METTL24: variants seen among roughly 807,000 people sequenced by gnomAD.
METTL24 encodes probable methyltransferase-like protein 24.
In METTL24, 29 loss-of-function variants were observed where a neutral mutation model predicts 32.7. The ratio of observed to expected loss-of-function variants is 0.89; its 90% CI spans 0.66 to 1.21. METTL24 has a LOEUF of 1.21. Ranked by LOEUF, METTL24 falls within the 50% of genes most tolerant of loss-of-function variation. METTL24 has a pLI of 0.00. For missense variants in METTL24, 439 were observed against 468.1 expected, an observed-to-expected ratio of 0.94 and a Z score of 0.57; for synonymous variants, 163 against 179.5, an observed-to-expected ratio of 0.91 and a Z score of 0.73.
chr6:110,346,244 A>C (rs1032878072), intron 1 of METTL24, among the ~76,000 whole-genome samples: 4 of 152,250 alleles, frequency 2.6e-5, no homozygotes, highest in Non-Finnish European at 5.9e-5. Context: ...CCATTCTTTC[A>C]GCCAGTATTT....
At chr6:110,319,262 G>A (rs1270097694) in intron 2 of METTL24, among the ~76,000 whole-genome samples, 3 of 130,574 alleles carry the variant, frequency 2.3e-5, no homozygotes, top group Non-Finnish European at 4.5e-5. Flanking sequence ...TTTTATCCCT[G>A]TGTGTGTATG....
intron 4 of METTL24, among the ~76,000 whole-genome samples, chr6:110,292,654 A>G (rs1453637686): frequency 6.6e-6 from 1 of 151,854 alleles, no homozygotes; most frequent in Non-Finnish European, 1.5e-5. Flanking sequence ...CCATGTGGAA[A>G]TTTTGTATGT....
chr6:110,333,710 G>A (rs1772153600), intron 1 of METTL24, among the ~76,000 whole-genome samples: 1 of 152,140 alleles, frequency 6.6e-6, no homozygotes, highest in South Asian at 2.1e-4. Flanking sequence ...CCAAAGTTCT[G>A]GGATTACAGG....
intron 4 of METTL24, among the ~76,000 whole-genome samples, chr6:110,293,651 C>T (rs955978908): frequency 6.6e-6 from 1 of 151,794 alleles, no homozygotes; most frequent in African/African-American, 2.4e-5. Context: ...ATGGTGATTA[C>T]ACACTGTATG....
rs1401255323 is a variant in METTL24 at position 110,246,263 on chromosome 6, G to A, written c.787-3C>T. 6.3e-7 allele frequency: 1 copy of A among 1,593,224 alleles called. No individual in the cohort carries two copies. Among genetic ancestry groups the A allele is most frequent in the South Asian group, 1.1e-5 (1 of 88,800 alleles). On this transcript the variant is annotated splice_polypyrimidine_tract_variant and splice_region_variant and intron_variant, in intron 4 of 4. Transcript: ENST00000338882. ...AGATCTGCCTTGAGAACGTCAATCT[G>A]TAACAAAGCAATGAAATGAGATTAG...
intron 1 of METTL24, among the ~76,000 whole-genome samples, chr6:110,347,211 T>C (rs766867949): frequency 5.9e-5 from 9 of 152,216 alleles, no homozygotes; most frequent in Non-Finnish European, 1.3e-4. Flanking sequence ...GAAAAAAGCC[T>C]GGATTTTAAG....
At chr6:110,322,236 G>A (rs532171297) in intron 2 of METTL24, among the ~76,000 whole-genome samples, 5 of 152,302 alleles carry the variant, frequency 3.3e-5, no homozygotes, top group East Asian at 1.9e-4. Context: ...ATAAAGGCCC[G>A]TGCTCAGTAA....
intron 4 of METTL24, among the ~76,000 whole-genome samples, chr6:110,291,747 A>G (rs1470278213): frequency 1.3e-5 from 2 of 152,056 alleles, no homozygotes; most frequent in Non-Finnish European, 2.9e-5. Context: ...CTATGGGTCC[A>G]TATGTTCTCA....
chr6:110,321,108 G>T (rs1373730232), intron 2 of METTL24, among the ~76,000 whole-genome samples: 2 of 152,154 alleles, frequency 1.3e-5, no homozygotes, highest in South Asian at 2.1e-4. Context: ...ATGGTGACAG[G>T]CTCCTGTAAT....
At chr6:110,317,600 T>A (rs1771842908) in intron 2 of METTL24, among the ~76,000 whole-genome samples, 1 of 152,086 alleles carries the variant, frequency 6.6e-6, no homozygotes, top group African/African-American at 2.4e-5. Flanking sequence ...GGAAGTCTCC[T>A]GGGATATTTT....
At chr6:110,274,795 G>GT (rs1771018453) in intron 4 of METTL24, among the ~76,000 whole-genome samples, 1 of 104,306 alleles carries the variant, frequency 9.6e-6, no homozygotes, top group Admixed American at 9.9e-5. Context: ...TTTCCTTTTC[G>GT]TTCTTTCTTT....
At chr6:110,272,796 A>G (rs1175553428) in intron 4 of METTL24, among the ~76,000 whole-genome samples, 1 of 151,522 alleles carries the variant, frequency 6.6e-6, no homozygotes, top group East Asian at 1.9e-4. Flanking sequence ...CATGTCCTTT[A>G]CCACCCACTG....
At chr6:110,269,840 G>A (rs563721212) in intron 4 of METTL24, among the ~76,000 whole-genome samples, 2 of 152,246 alleles carry the variant, frequency 1.3e-5, no homozygotes, top group Admixed American at 6.5e-5. Flanking sequence ...GGAGGTAGAA[G>A]AAGAGCATAT....
chr6:110,346,500 CTCTCT>C (rs200555271), intron 1 of METTL24, among the ~76,000 whole-genome samples: 3 of 90,734 alleles, frequency 3.3e-5, no homozygotes, highest in African/African-American at 1.3e-4. Context: ...TTCTCTCTCT[CTCTCT>C]TTTTTTTTTT....
intron 1 of METTL24, among the ~76,000 whole-genome samples, chr6:110,345,597 T>A (rs1282798720): frequency 4.6e-5 from 7 of 152,110 alleles, no homozygotes; most frequent in Non-Finnish European, 4.4e-5. Flanking sequence ...TGGGCAGCCA[T>A]AAAAAAGAAT....
chr6:110,302,576 CACAT>C (rs1771546829), intron 3 of METTL24, among the ~76,000 whole-genome samples: 1 of 120,248 alleles, frequency 8.3e-6, no homozygotes, highest in Non-Finnish European at 1.6e-5. Context: ...CACATACACA[CACAT>C]ATGTGTATAT....
Position 110,277,099 on chromosome 6 carries a change from A to T in METTL24, c.786+21823T>A, listed in dbSNP as rs1006422724. Among the ~76,000 whole-genome samples the T allele has an allele frequency of 4.6e-5, 7 of 152,176 alleles. No homozygotes were observed. The South Asian group carries it at 8.3e-4, about 18-fold the overall frequency. The stretch of plus-strand genomic sequence containing the variant: ...AGTGTCCTATAGTACATTAGCTTTT[A>T]AAAAAAATCACAAAAGATTGCGTGG... On this transcript the variant is annotated intron_variant, in intron 4 of 4. Transcript: ENST00000338882.
intron 2 of METTL24, among the ~76,000 whole-genome samples, chr6:110,321,329 A>C (rs1408481415): frequency 6.6e-6 from 1 of 152,242 alleles, no homozygotes; most frequent in Non-Finnish European, 1.5e-5. Context: ...TGACCATTTC[A>C]TGCCTCAATA....
rs1289754012 is a variant in METTL24, at chr6:110,256,483, G to T, written c.787-10223C>A. Among the ~76,000 whole-genome samples, 5 of 152,010 alleles carry T rather than the reference G, an allele frequency of 3.3e-5. No individual in the cohort carries two copies. In the East Asian group the frequency reaches 9.7e-4, roughly 29 times the overall value. ...TTGATCTTTTGATTTCCTTACCTGG[G>T]CTGTAAGTTCCTTTAGGGCAGGAAT... On this transcript the variant is annotated intron_variant, in intron 4 of 4. Transcript: ENST00000338882.
Sources: gnomAD v4.1 joint callset for allele counts (sites outside exome capture counted in the v4.1 genomes callset) on GRCh38, gnomAD v4.1.1 for gene constraint, MANE v1.5 for transcripts, NCBI Gene and HGNC (gene_info 2026-07-23, HGNC 2026-07-21) for gene names.